DNAH5: variants seen among roughly 807,000 people sequenced by gnomAD.
DNAH5 encodes axonemal beta dynein heavy chain 5.
DNAH5 carries 372 observed loss-of-function variants against 518.2 expected under a neutral mutation model. That is an observed-to-expected ratio of 0.72 (90% CI 0.66 to 0.78). DNAH5 has a LOEUF of 0.78. Ranked by LOEUF, DNAH5 falls within the 30% of genes least tolerant of loss-of-function variation. DNAH5 has a pLI of 0.00. For synonymous variants in DNAH5, 2,039 were observed against 2,025.9 expected (o/e 1.01, Z -0.17); for missense variants, 5,523 against 5,687.0 (o/e 0.97, Z 0.93).
chr5:13,796,095 A>C (rs562788063), intron 47 of DNAH5, among the ~76,000 whole-genome samples: 1 of 152,352 alleles, frequency 6.6e-6, no homozygotes, highest in African/African-American at 2.4e-5. Flanking sequence ...CCAATATCAT[A>C]CTGAATGGGC....
intron 52 of DNAH5, among the ~76,000 whole-genome samples, chr5:13,783,556 C>G (rs751588236): frequency 6.6e-6 from 1 of 152,088 alleles, no homozygotes; most frequent in African/African-American, 2.4e-5. Context: ...CTGGATCACA[C>G]ACCAGGCAGA....
At chr5:13,781,546 A>G (rs1755137446) in intron 52 of DNAH5, among the ~76,000 whole-genome samples, 1 of 70,112 alleles carries the variant, frequency 1.4e-5, no homozygotes, top group Non-Finnish European at 2.8e-5. Context: ...TAATTGAATC[A>G]AGGTGGCGGC....
chr5:13,914,621 C>A lies in DNAH5; in HGVS notation c.1219G>T (p.Ala407Ser), dbSNP rs1321338870. Residue 407 changes from alanine (A) to serine (S), a missense_variant, in exon 10 of 79, where the codon GCA (alanine) becomes TCA (serine). Physicochemically the swap from Ala to Ser is moderately conservative, Grantham distance 99. Transcript: ENST00000265104. The part of the protein sequence containing the change: ...FVKVTNQIIS[A>S]CKAYITNNGT... The stretch of plus-strand genomic sequence containing the variant: ...TTATTGGTAATATAGGCTTTACATG[C>A]AGATATAATCTGATTTGTCACCTGG... The A allele has an allele frequency of 6.2e-7, 1 of 1,612,938 alleles. No homozygotes were observed. The highest frequency in any genetic ancestry group is 8.5e-7 in the Non-Finnish European group (1 of 1,179,202).
chr5:13,808,966 T>A (rs1005968128), intron 46 of DNAH5, 78 bp downstream of exon 46: 1 of 1,555,280 alleles, frequency 6.4e-7, no homozygotes, highest in African/African-American at 1.4e-5. Context: ...TCTCAGTAAA[T>A]AACTAAATAA....
intron 12 of DNAH5, among the ~76,000 whole-genome samples, chr5:13,910,337 T>C (rs564616121): frequency 6.6e-6 from 1 of 152,268 alleles, no homozygotes; most frequent in African/African-American, 2.4e-5. Flanking sequence ...GAGCACCCAC[T>C]TTATAGGATT....
intron 12 of DNAH5, among the ~76,000 whole-genome samples, chr5:13,902,513 T>C (rs141635456): frequency 6.6e-6 from 1 of 152,270 alleles, no homozygotes; most frequent in East Asian, 1.9e-4. Context: ...GGGAATTGAT[T>C]CACAAGTTGG....
At chr5:13,716,017 C>T (rs190819632) in intron 74 of DNAH5, among the ~76,000 whole-genome samples, 2 of 152,336 alleles carry the variant, frequency 1.3e-5, no homozygotes, top group East Asian at 3.9e-4. Context: ...CACAAAGCAG[C>T]TTCCTGGACA....
intron 65 of DNAH5, among the ~76,000 whole-genome samples, chr5:13,738,390 A>G (rs10069233): frequency 0.023 from 3,471 of 152,308 alleles, 122 homozygotes; most frequent in African/African-American, 0.079. Context: ...TTGCTAATTG[A>G]AAAAGTATCC....
At chr5:13,900,791 A>T in intron 14 of DNAH5, 1 of 321,792 alleles carries the variant, frequency 3.1e-6, no homozygotes, top group Non-Finnish European at 5.8e-6. Context: ...ATCTAGAAAA[A>T]CAATGAACAC....
intron 65 of DNAH5, among the ~76,000 whole-genome samples, chr5:13,742,206 T>C (rs551742010): frequency 6.6e-6 from 1 of 152,242 alleles, no homozygotes; most frequent in African/African-American, 2.4e-5. Context: ...TAAGGACAAA[T>C]ACTTTTGTTT....
chr5:13,985,979 C>T (rs568250979), intron 1 of DNAH5, among the ~76,000 whole-genome samples: 2 of 152,312 alleles, frequency 1.3e-5, no homozygotes, highest in Admixed American at 6.5e-5. Flanking sequence ...TCTCCCGCTC[C>T]GTGACTTTGC....
chr5:13,824,291 G>A lies in DNAH5; in HGVS notation c.6487C>T (p.Arg2163Trp), dbSNP rs757370062. 1.2e-5 allele frequency: 20 copies of A among 1,613,870 alleles called. No individual in the cohort carries two copies. Among genetic ancestry groups the A allele is most frequent in the East Asian group, 2.2e-5 (1 of 44,872 alleles). Residue 2163 changes from arginine (R) to tryptophan (W), a missense_variant, in exon 39 of 79, where the codon CGG becomes TGG. Physicochemically the swap from Arg to Trp is moderately radical, Grantham distance 101 (BLOSUM62 -3). This residue lies in a region of DNAH5 where 5,121 missense variants were observed against 5,223.3 expected (regional missense o/e 0.98). Transcript: ENST00000265104. ...FGLRNILSVLRTLGAAKRANP... is the reference protein window; with the variant it reads ...FGLRNILSVLWTLGAAKRANP... ...GCTCTTTTTGCTGCTCCCAAGGTCC[G>A]AAGAACTGACAGAATGTTACGCAGG... is the stretch of plus-strand genomic sequence containing the variant.
chr5:13,691,848 G>A lies in DNAH5; in HGVS notation c.*136C>T. 1 of 1,004,570 alleles carries A rather than the reference G, an allele frequency of 1.0e-6. No homozygotes were observed. Among genetic ancestry groups the A allele is most frequent in the South Asian group, 1.5e-5 (1 of 68,250 alleles). 62.2% of individuals were successfully genotyped at this position (1,004,570 alleles called of 1,614,324 possible). On this transcript the variant is annotated 3_prime_UTR_variant, in exon 79 of 79. Coordinates refer to ENST00000265104, the MANE Select transcript of DNAH5 (RefSeq NM_001369.3). Reference sequence around the variant, plus strand: ...TAAAATATAAGCATCCAATTAAGGAGTGGGGAAAACCTATGCAGCTCATTA... The same window carrying A: ...TAAAATATAAGCATCCAATTAAGGAATGGGGAAAACCTATGCAGCTCATTA...
At chr5:13,692,256 G>T (rs1740793773) in intron 78 of DNAH5, 121 bp from the exon 79 acceptor site, 1 of 1,096,308 alleles carries the variant, frequency 9.1e-7, no homozygotes, top group Non-Finnish European at 1.4e-6. Flanking sequence ...TTGGCTGAAT[G>T]AGGGACATTC....
chr5:13,962,555 T>C (rs562092706), intron 1 of DNAH5, among the ~76,000 whole-genome samples: 24 of 152,286 alleles, frequency 1.6e-4, no homozygotes, highest in African/African-American at 5.1e-4. Context: ...CTACTGCAGT[T>C]AGAGAAGACA....
intron 12 of DNAH5, among the ~76,000 whole-genome samples, chr5:13,909,324 C>A (rs1023291342): frequency 6.6e-6 from 1 of 152,080 alleles, no homozygotes; most frequent in Non-Finnish European, 1.5e-5. Context: ...TAAAATAGTA[C>A]AATTTTTAAC....
chr5:13,772,069 C>T (rs536205752), intron 55 of DNAH5, among the ~76,000 whole-genome samples: 2 of 152,230 alleles, frequency 1.3e-5, no homozygotes, highest in Admixed American at 1.3e-4. Flanking sequence ...ATAAGTTAGC[C>T]AACCAGTACA....
chr5:13,827,305 A>G (rs1763005443), intron 38 of DNAH5, among the ~76,000 whole-genome samples: 1 of 151,876 alleles, frequency 6.6e-6, no homozygotes, highest in Non-Finnish European at 1.5e-5. Flanking sequence ...AATGTTAATC[A>G]CCAAGACAAT....
chr5:13,769,347 AC>A (rs1342097677), intron 57 of DNAH5, among the ~76,000 whole-genome samples, 153 bp downstream of exon 57: 1 of 147,512 alleles, frequency 6.8e-6, no homozygotes, highest in Non-Finnish European at 1.5e-5. Flanking sequence ...TCCTGCACTT[AC>A]CCAGTTTTTT....
Sources: allele counts gnomAD v4.1 joint callset (sites outside exome capture counted in the v4.1 genomes callset), GRCh38; gene constraint gnomAD v4.1.1; regional missense constraint gnomAD v4.1.1; transcripts MANE v1.5; gene names NCBI Gene and HGNC (gene_info 2026-07-23, HGNC 2026-07-21).